ZNF362: variants seen among roughly 807,000 people sequenced by gnomAD.
The protein encoded by ZNF362 is rotund homolog.
ZNF362 carries 11 observed loss-of-function variants against 42.9 expected under a neutral mutation model. The ratio of observed to expected loss-of-function variants is 0.26; its 90% confidence interval spans 0.16 to 0.42. ZNF362 has a LOEUF of 0.42. ZNF362 is among the 20% of genes least tolerant of loss of function. The pLI is 1.00. For missense variants in ZNF362, 362 were observed against 576.2 expected, an observed-to-expected ratio of 0.63 and a Z score of 3.81; for synonymous variants, 255 against 257.3, an observed-to-expected ratio of 0.99 and a Z score of 0.09.
At chr1:33,192,565 A>T in the ZNF362 span, among the ~76,000 whole-genome samples, 1 of 152,232 alleles carries the variant, frequency 6.6e-6, no homozygotes, top group Admixed American at 6.5e-5. Flanking sequence ...GTGCTACCAC[A>T]GTGGTTTATT....
the ZNF362 span, among the ~76,000 whole-genome samples, chr1:33,182,977 A>G: frequency 1.3e-5 from 2 of 152,338 alleles, no homozygotes; most frequent in Admixed American, 1.3e-4. Context: ...TGAAGAAGAC[A>G]GGGAGCTTTT....
chr1:33,209,964 G>A, the ZNF362 span, among the ~76,000 whole-genome samples: 1 of 151,958 alleles, frequency 6.6e-6, no homozygotes, highest in Non-Finnish European at 1.5e-5. Context: ...GTTGCCTTCT[G>A]CTAGCTTTTG....
At chr1:33,297,579 T>C (rs1646134362) in intron 8 of ZNF362, among the ~76,000 whole-genome samples, 1 of 134,768 alleles carries the variant, frequency 7.4e-6, no homozygotes, top group African/African-American at 2.9e-5. Context: ...TGGCACAGTC[T>C]CAGCTCACTG....
the ZNF362 span, among the ~76,000 whole-genome samples, chr1:33,213,882 A>C: frequency 6.7e-6 from 1 of 149,618 alleles, no homozygotes; most frequent in East Asian, 1.9e-4. Flanking sequence ...CAAAACAAAA[A>C]AAACAAAACA....
rs1201996166 is a variant in ZNF362 at position 33,281,211 on chromosome 1, T to C, written c.684-376T>C. On this transcript the variant is annotated intron_variant, in intron 5 of 8. Coordinates refer to ENST00000539719, the MANE Select transcript of ZNF362 (RefSeq NM_152493.3). This position sits in a 1 kb window ranked among gnomAD's most constrained non-coding sequence, Gnocchi z 4.8. The stretch of plus-strand genomic sequence containing the variant: ...GTATGGAGGGTGGGGCAGGCGTTGG[T>C]ATTTCTTAGACGCTCCCCAGATGAT... 1.3e-5 allele frequency among the ~76,000 whole-genome samples: 2 copies of C among 152,162 alleles called. No individual in the cohort carries two copies. Among genetic ancestry groups the C allele is most frequent in the African/African-American group, 4.8e-5 (2 of 41,444 alleles).
At chr1:33,279,433 C>T (rs1409187723) in intron 4 of ZNF362, among the ~76,000 whole-genome samples, 1 of 151,990 alleles carries the variant, frequency 6.6e-6, no homozygotes, top group Non-Finnish European at 1.5e-5. Context: ...ATAAAACATT[C>T]TCCTGCCAAC....
the ZNF362 span, among the ~76,000 whole-genome samples, chr1:33,171,028 C>A: frequency 6.6e-6 from 1 of 152,214 alleles, no homozygotes; most frequent in South Asian, 2.1e-4. Flanking sequence ...CCCCTCCTTC[C>A]CTTCTCAGAT....
At chr1:33,138,145 G>A in the ZNF362 span, among the ~76,000 whole-genome samples, 3 of 152,156 alleles carry the variant, frequency 2.0e-5, no homozygotes, top group African/African-American at 7.2e-5. Flanking sequence ...GTAGGCAGAG[G>A]TTACACCCTG....
At chr1:33,145,135 C>G in the ZNF362 span, among the ~76,000 whole-genome samples, 1 of 152,204 alleles carries the variant, frequency 6.6e-6, no homozygotes, top group Non-Finnish European at 1.5e-5. Context: ...ACTACCACCA[C>G]CTCTCCTCCA....
At chr1:33,209,797 A>G in the ZNF362 span, among the ~76,000 whole-genome samples, 1 of 151,886 alleles carries the variant, frequency 6.6e-6, no homozygotes, top group African/African-American at 2.4e-5. Flanking sequence ...TATTGCATCT[A>G]TTTGATTCTT....
chr1:33,289,657 C>T (rs1646061425), intron 6 of ZNF362, among the ~76,000 whole-genome samples: 10 of 152,186 alleles, frequency 6.6e-5, no homozygotes, highest in Admixed American at 6.5e-4. Context: ...ACCTATTTCT[C>T]TTGTCAATGA....
At chr1:33,257,002 T>C (rs1645797556) in intron 1 of ZNF362, among the ~76,000 whole-genome samples, 1 of 152,068 alleles carries the variant, frequency 6.6e-6, no homozygotes, top group Admixed American at 6.6e-5. Context: ...CAATGATTCA[T>C]GGGGCATAAT....
chr1:33,287,040 G>A lies in ZNF362; in HGVS notation c.908+5229G>A, dbSNP rs372337619. On this transcript the variant is annotated intron_variant, in intron 6 of 8. Transcript: ENST00000539719. ...TGGAGCATCTTAATTGGCCTGCAGC[G>A]TGAAAGGAAGGCACAAGCAAAGTGA... Among the ~76,000 whole-genome samples the A allele has an allele frequency of 3.3e-5, 5 of 152,194 alleles. No individual in the cohort carries two copies. In the South Asian group the frequency reaches 6.2e-4, roughly 19 times the overall value.
chr1:33,288,050 A>G (rs1646044740), intron 6 of ZNF362, among the ~76,000 whole-genome samples: 1 of 152,256 alleles, frequency 6.6e-6, no homozygotes, highest in Non-Finnish European at 1.5e-5. Context: ...CTCTGTTTTC[A>G]TAAGTTGCTT....
chr1:33,181,488 C>G, the ZNF362 span: 2 of 1,517,080 alleles, frequency 1.3e-6, no homozygotes, highest in Admixed American at 2.2e-5. The surrounding 1 kb of genome is among the most constrained non-coding windows in gnomAD (Gnocchi z 6.5). Context: ...GCTGAGAGAG[C>G]GCGGCGCTGT....
chr1:33,298,873 C>A, intron 8 of ZNF362, 57 bp from the exon 9 acceptor site: 1 of 1,479,964 alleles, frequency 6.8e-7, no homozygotes, highest in South Asian at 1.1e-5. Flanking sequence ...GGAACTGCAG[C>A]CTCTTCTCCC....
At chr1:33,204,182 T>G in the ZNF362 span, among the ~76,000 whole-genome samples, 1 of 152,158 alleles carries the variant, frequency 6.6e-6, no homozygotes, top group East Asian at 1.9e-4. Context: ...TCCACATTTT[T>G]TGGCATGTGG....
At chr1:33,145,708 C>G in the ZNF362 span, 2 of 360,796 alleles carry the variant, frequency 5.5e-6, no homozygotes, top group Admixed American at 7.8e-5. Context: ...GTCTTGCAGC[C>G]CACTCCTCCA....
chr1:33,260,024 C>T (rs933122020), intron 1 of ZNF362, among the ~76,000 whole-genome samples: 2 of 152,180 alleles, frequency 1.3e-5, no homozygotes, highest in Non-Finnish European at 2.9e-5. Context: ...TGACACGTCT[C>T]CCTGCCCTGG....
Sources: gnomAD v4.1 joint callset for allele counts (sites outside exome capture counted in the v4.1 genomes callset) on GRCh38, gnomAD v4.1.1 for gene constraint, Gnocchi (gnomAD v3.1) non-coding constraint, MANE v1.5 for transcripts, NCBI Gene and HGNC (gene_info 2026-07-23, HGNC 2026-07-21) for gene names.